The following PCDHA1 variants were observed in gnomAD, a reference collection of about 807,000 sequenced individuals.
PCDHA1 encodes the protein protocadherin alpha-1.
Under a neutral mutation model 61.3 loss-of-function variants are expected in PCDHA1, and 42 were observed. That is an observed-to-expected ratio of 0.69 (90% confidence interval 0.54 to 0.89). PCDHA1 has a LOEUF of 0.89. PCDHA1 is among the 40% of genes least tolerant of loss of function. The pLI is 0.00. For missense variants in PCDHA1, 1,256 were observed against 1,235.3 expected (o/e 1.02, Z -0.25); for synonymous variants, 610 against 553.8 (o/e 1.10, Z -1.43).
chr5:140,902,203 CTTTTTTT>C (rs148688132), intron 1 of PCDHA1, among the ~76,000 whole-genome samples: 3 of 124,458 alleles, frequency 2.4e-5, no homozygotes, highest in African/African-American at 3.1e-5. Flanking sequence ...CTCTCTCTTT[CTTTTTTT>C]TTTTTTTTTT....
At chr5:140,796,947 C>A (rs782442389) in intron 1 of PCDHA1, 1 of 1,613,830 alleles carries the variant, frequency 6.2e-7, no homozygotes, top group Non-Finnish European at 8.5e-7. Context: ...CGTTGACAGC[C>A]ACGGCCACCG....
At chr5:140,936,519 G>A (rs77875081) in intron 1 of PCDHA1, among the ~76,000 whole-genome samples, 2,263 of 152,276 alleles carry the variant, frequency 0.015, 25 homozygotes, top group Non-Finnish European at 0.022. Context: ...TAAATTACCT[G>A]AAATTGCTTT....
At chr5:140,843,312 C>T (rs2150357141) in intron 1 of PCDHA1, 1 of 1,596,048 alleles carries the variant, frequency 6.3e-7, no homozygotes, top group Non-Finnish European at 8.6e-7. Context: ...GCCACGGCCA[C>T]GGTTCTGGTG....
intron 1 of PCDHA1, among the ~76,000 whole-genome samples, chr5:140,957,854 T>C (rs2095390646): frequency 6.6e-6 from 1 of 151,872 alleles, no homozygotes; most frequent in Non-Finnish European, 1.5e-5. Context: ...GTTTGTGTAT[T>C]TTTTTTCCTA....
At chr5:140,794,849 G>A (rs1761883977) in intron 1 of PCDHA1, 3 of 1,171,258 alleles carry the variant, frequency 2.6e-6, no homozygotes, top group Non-Finnish European at 3.6e-6. Context: ...GAGCCCCTTT[G>A]TTACTTCAGA....
chr5:140,842,551 C>CACCAACTG, intron 1 of PCDHA1: 1 of 1,596,422 alleles, frequency 6.3e-7, no homozygotes, highest in Non-Finnish European at 8.6e-7. Flanking sequence ...TGGTGCTGGA[C>CACCAACTG]AGCGCCCTGG....
chr5:140,885,998 A>G (rs2060805032), intron 1 of PCDHA1, among the ~76,000 whole-genome samples: 1 of 152,190 alleles, frequency 6.6e-6, no homozygotes, highest in Non-Finnish European at 1.5e-5. Context: ...GTTGAAAGAA[A>G]TAGTAAAGGG....
rs377441374 is a variant in PCDHA1, at chr5:140,884,065, C to T, written c.2395-94884C>T. The T allele has an allele frequency of 3.7e-6, 6 of 1,613,346 alleles. No individual in the cohort carries two copies. The African/African-American group carries it at 5.3e-5, about 14-fold the overall frequency. ...TGGCGAAGGTGCGCGCGGTGGACGC[C>T]GATTCGGGCTACAATGCGTGGCTTT... is the stretch of plus-strand genomic sequence containing the variant. On this transcript the variant is annotated intron_variant, in intron 1 of 3. Transcript: ENST00000504120.
At chr5:140,835,655 G>A (rs1554135164) in intron 1 of PCDHA1, 2 of 1,613,800 alleles carry the variant, frequency 1.2e-6, no homozygotes, top group Non-Finnish European at 8.5e-7. Context: ...ATGAGCTGGT[G>A]GTTACCGCGC....
intron 1 of PCDHA1, among the ~76,000 whole-genome samples, chr5:140,872,594 T>A (rs1554166277): frequency 1.3e-5 from 2 of 152,130 alleles, no homozygotes; most frequent in African/African-American, 2.4e-5. Context: ...GAGACCCCCA[T>A]CTGAAAAAAT....
intron 1 of PCDHA1, chr5:140,836,156 G>T: frequency 6.2e-7 from 1 of 1,613,820 alleles, no homozygotes; most frequent in Non-Finnish European, 8.5e-7. Flanking sequence ...GCCATGTGGT[G>T]GCGAAGGTAC....
rs192376340 is a variant in PCDHA1, at chr5:140,857,538, G to T, written c.2394+68854G>T. The T allele has an allele frequency of 6.9e-6, 11 of 1,597,348 alleles. No individual in the cohort carries two copies. In the East Asian group the frequency reaches 2.0e-4, roughly 29 times the overall value. On this transcript the variant is annotated intron_variant, in intron 1 of 3. Transcript: ENST00000504120. Reference sequence around the variant, plus strand: ...GTGTCCTACTCTCTGGTGGAGCGGCGGTTGGGCGAGCGCTCGCTGTCGAGC... The same window carrying T: ...GTGTCCTACTCTCTGGTGGAGCGGCTGTTGGGCGAGCGCTCGCTGTCGAGC...
At chr5:140,871,265 G>C in intron 1 of PCDHA1, 1 of 1,613,978 alleles carries the variant, frequency 6.2e-7, no homozygotes, top group South Asian at 1.1e-5. Flanking sequence ...ACGGCGCTGT[G>C]GTGGTCGGCA....
intron 3 of PCDHA1, among the ~76,000 whole-genome samples, chr5:140,986,421 C>T (rs1554248030): frequency 6.6e-6 from 1 of 152,178 alleles, no homozygotes; most frequent in Non-Finnish European, 1.5e-5. Flanking sequence ...CTCTTTTTAA[C>T]TTCATGAGTA....
chr5:141,002,681 C>T (rs556518008), intron 3 of PCDHA1, among the ~76,000 whole-genome samples: 32 of 152,154 alleles, frequency 2.1e-4, no homozygotes, highest in Non-Finnish European at 4.0e-4. Context: ...ACCTATACGA[C>T]GTGCAGATTT....
chr5:140,971,857 T>G (rs1312639660), intron 1 of PCDHA1, among the ~76,000 whole-genome samples: 12 of 152,198 alleles, frequency 7.9e-5, no homozygotes, highest in African/African-American at 2.9e-4. Flanking sequence ...TAAATATTTG[T>G]TAACATCTAG....
chr5:140,925,330 A>G (rs1459062876), intron 1 of PCDHA1, among the ~76,000 whole-genome samples: 2 of 152,132 alleles, frequency 1.3e-5, no homozygotes, highest in African/African-American at 4.8e-5. Context: ...CCTGTATTAA[A>G]AGAAGGATTT....
intron 3 of PCDHA1, among the ~76,000 whole-genome samples, chr5:140,990,875 G>A: frequency 6.6e-6 from 1 of 152,198 alleles, no homozygotes; most frequent in East Asian, 1.9e-4. Flanking sequence ...TTAAGTGTAT[G>A]TTCCAGTGAG....
At chr5:140,962,710 T>C (rs2095702479) in intron 1 of PCDHA1, among the ~76,000 whole-genome samples, 1 of 152,246 alleles carries the variant, frequency 6.6e-6, no homozygotes, top group South Asian at 2.1e-4. Context: ...ATAATCATAT[T>C]GGAAAGTATT....
Sources: gnomAD v4.1 joint callset for allele counts (sites outside exome capture counted in the v4.1 genomes callset) on GRCh38, gnomAD v4.1.1 for gene constraint, MANE v1.5 for transcripts, NCBI Gene and HGNC (gene_info 2026-07-23, HGNC 2026-07-21) for gene names.